The following MCMBP variants were observed in gnomAD, a reference collection of about 807,000 sequenced individuals.
The protein encoded by MCMBP is minichromosome maintenance complex binding protein.
In MCMBP, 31 loss-of-function variants were observed where a neutral mutation model predicts 81.3. That is an observed-to-expected ratio of 0.38 (90% CI 0.29 to 0.51). The LOEUF (loss-of-function observed/expected upper bound fraction) is 0.51, where lower values mean the gene tolerates loss of function less well. Ranked by LOEUF, MCMBP falls within the 20% of genes least tolerant of loss-of-function variation. MCMBP has a pLI of 0.87. For synonymous variants in MCMBP, 267 were observed against 275.9 expected, an observed-to-expected ratio of 0.97 and a Z score of 0.32; for missense variants, 645 against 772.1, an observed-to-expected ratio of 0.84 and a Z score of 1.95.
chr10:119,864,070 T>C (rs1440551081), intron 1 of MCMBP, among the ~76,000 whole-genome samples: 2 of 151,808 alleles, frequency 1.3e-5, no homozygotes, highest in Non-Finnish European at 2.9e-5. Flanking sequence ...TGGAAGGATG[T>C]GGCAAAAGAG....
rs781109887 is a variant in MCMBP at position 119,831,610 on chromosome 10, A to AACAC, written c.1797-14_1797-11dup. On this transcript the variant is annotated splice_polypyrimidine_tract_variant and intron_variant, in intron 15 of 15. Transcript: ENST00000369077. ...ACTGAGAGACAGACACCTGGTTTGA[A>AACAC]ACACAGAAACAAATTTAAGTCTAGA... is the stretch of plus-strand genomic sequence containing the variant. 1.9e-6 allele frequency: 3 copies of AACAC among 1,608,352 alleles called. No individual in the cohort carries two copies. Among genetic ancestry groups the AACAC allele is most frequent in the African/African-American group, 1.3e-5 (1 of 74,624 alleles).
chr10:119,871,343 AT>A (rs1158096426), intron 1 of MCMBP, among the ~76,000 whole-genome samples: 4,301 of 145,300 alleles, frequency 0.03, 211 homozygotes, highest in African/African-American at 0.1. Context: ...TATATAGTGA[AT>A]TTTTTTTTTT....
rs551621334 is a variant in MCMBP, at chr10:119,831,220, T to C, written c.*254A>G. 4.3e-6 allele frequency: 1 copy of C among 234,440 alleles called. No individual in the cohort carries two copies. Among genetic ancestry groups the C allele is most frequent in the Non-Finnish European group, 8.2e-6 (1 of 122,560 alleles). 14.5% of individuals were successfully genotyped at this position (234,440 alleles called of 1,614,324 possible). On this transcript the variant is annotated 3_prime_UTR_variant, in exon 16 of 16. Coordinates refer to ENST00000369077, the MANE Select transcript of MCMBP (RefSeq NM_001256378.2). ...CATTATCAATATTAAACTTTTAATA[T>C]CAAATACTTTTTTTACATCATTACT...
Position 119,859,832 on chromosome 10 carries a change from C to T in MCMBP, c.111G>A (p.Lys37=). The T allele has an allele frequency of 6.2e-7, 1 of 1,613,330 alleles. No individual in the cohort carries two copies. Among genetic ancestry groups the T allele is most frequent in the Non-Finnish European group, 8.5e-7 (1 of 1,179,702 alleles). The change falls in exon 2 of 16, where the codon AAG becomes AAA. Residue 37 remains lysine (K), a synonymous_variant. Transcript: ENST00000369077. ...DWEKKVIEYF[K]EKLKENNAPK... ...GAGCATTATTTTCCTTCAGCTTTTCCTTAAAATACTCAATTACTTTCTTCT... is the reference window on the plus strand; with the variant it reads ...GAGCATTATTTTCCTTCAGCTTTTCTTTAAAATACTCAATTACTTTCTTCT...
chr10:119,843,121 G>C (rs551641627), intron 9 of MCMBP, 133 bp downstream of exon 9: 3 of 983,090 alleles, frequency 3.1e-6, no homozygotes, highest in East Asian at 5.0e-5. Context: ...CAACGAGAGA[G>C]AGATTACTGA....
intron 8 of MCMBP, among the ~76,000 whole-genome samples, 174 bp downstream of exon 8, chr10:119,847,439 A>G (rs1379143652): frequency 6.6e-6 from 1 of 152,236 alleles, no homozygotes; most frequent in Non-Finnish European, 1.5e-5. Context: ...TTTCAGAAAA[A>G]TGTGTGCATA....
intron 6 of MCMBP, 118 bp downstream of exon 6, chr10:119,852,932 G>A (rs1038199494): frequency 8.8e-6 from 11 of 1,247,192 alleles, no homozygotes; most frequent in Admixed American, 2.1e-5. Context: ...CAACATGTCT[G>A]TAACTCTGAT....
chr10:119,835,856 T>C (rs760935635), intron 13 of MCMBP, 152 bp from the exon 14 acceptor site: 165 of 873,980 alleles, frequency 1.9e-4, no homozygotes, highest in Non-Finnish European at 2.0e-4. Context: ...TTTCTGTGTG[T>C]GAGACAGGGT....
intron 10 of MCMBP, 89 bp from the exon 11 acceptor site, chr10:119,841,049 T>C (rs575013998): frequency 8.7e-5 from 69 of 790,828 alleles, no homozygotes; most frequent in South Asian, 8.6e-4. Flanking sequence ...TAGCTTAATA[T>C]TGTCATTAAA....
At chr10:119,869,401 G>A (rs2134413638) in intron 1 of MCMBP, among the ~76,000 whole-genome samples, 1 of 152,276 alleles carries the variant, frequency 6.6e-6, no homozygotes, top group Middle Eastern at 3.4e-3. Flanking sequence ...GTGAAACCCT[G>A]TCTTTACTAA....
At chr10:119,838,245 G>A (rs1348769143) in intron 12 of MCMBP, among the ~76,000 whole-genome samples, 1 of 147,156 alleles carries the variant, frequency 6.8e-6, no homozygotes, top group African/African-American at 2.5e-5. Flanking sequence ...TATAATATAT[G>A]ATATATATTA....
At chr10:119,834,861 C>CAAA (rs71019725) in intron 14 of MCMBP, among the ~76,000 whole-genome samples, 1,035 of 66,728 alleles carry the variant, frequency 0.016, 53 homozygotes, top group South Asian at 0.019. Context: ...GACCCTGTCT[C>CAAA]AAAAAAAAAA....
chr10:119,831,674 G>C (rs1852041935), intron 15 of MCMBP, 74 bp from the exon 16 acceptor site: 3 of 1,538,258 alleles, frequency 2.0e-6, no homozygotes. Flanking sequence ...TAAGACCTAG[G>C]AATACTTTGT....
chr10:119,847,708 A>G lies in MCMBP; in HGVS notation c.732T>C (p.Tyr244=). ...EKGPACLVKV[Y]EDWDCFKVND... ...TTACTTTGAAACAATCCCAATCTTC[A>G]TAAACCTAACAAGAGACCACATGAA... Residue 244 remains tyrosine, a synonymous_variant, in exon 8 of 16, where the codon TAT becomes TAC. Transcript: ENST00000369077. 1 of 1,597,838 alleles carries G rather than the reference A, an allele frequency of 6.3e-7. No individual in the cohort carries two copies.
Position 119,831,548 on chromosome 10 carries a change from T to C in MCMBP, c.1849A>G (p.Arg617Gly), listed in dbSNP as rs867748028. The change falls in exon 16 of 16, where the codon AGA becomes GGA. Residue 617 changes from arginine to glycine, a missense_variant. Transcript: ENST00000369077. The stretch of plus-strand genomic sequence containing the variant: ...CTTAAAGACTCTAGCTGCTTTGCTC[T>C]CAGCCATCGTTCTCTTGACAGCGTT... The part of the protein sequence containing the change: ...QTTLSRERWL[R>G]AKQLESLRRT... 6.2e-7 allele frequency: 1 copy of C among 1,614,090 alleles called. No individual in the cohort carries two copies. Among genetic ancestry groups the C allele is most frequent in the Non-Finnish European group, 8.5e-7 (1 of 1,179,954 alleles).
At chr10:119,848,600 G>A (rs1009437950) in intron 7 of MCMBP, among the ~76,000 whole-genome samples, 1 of 151,998 alleles carries the variant, frequency 6.6e-6, no homozygotes, top group Non-Finnish European at 1.5e-5. Flanking sequence ...ACAAGAGAGT[G>A]AGACTGCCTC....
intron 6 of MCMBP, among the ~76,000 whole-genome samples, chr10:119,851,385 C>T (rs953277677): frequency 3.3e-5 from 5 of 152,124 alleles, no homozygotes; most frequent in African/African-American, 1.2e-4. Context: ...AGAGAATTAA[C>T]ATATTTCCTG....
At chr10:119,847,196 C>A (rs926498687) in intron 8 of MCMBP, among the ~76,000 whole-genome samples, 2 of 152,094 alleles carry the variant, frequency 1.3e-5, no homozygotes, top group African/African-American at 4.8e-5. Flanking sequence ...AATGAGCGAG[C>A]TTCTGAACCC....
At chr10:119,833,484 AAAAG>A (rs755781272) in intron 14 of MCMBP, among the ~76,000 whole-genome samples, 15 of 152,110 alleles carry the variant, frequency 9.9e-5, no homozygotes, top group East Asian at 3.9e-4. Flanking sequence ...TACAAAAAAA[AAAAG>A]AAAGAAAAAA....
Sources: allele counts gnomAD v4.1 joint callset (sites outside exome capture counted in the v4.1 genomes callset), GRCh38; gene constraint gnomAD v4.1.1; transcripts MANE v1.5; gene names NCBI Gene and HGNC (gene_info 2026-07-23, HGNC 2026-07-21).